Variants in CDH13 observed in about 807,000 individuals in gnomAD.
CDH13 encodes cadherin 13, also known as cadherin-13.
Under a neutral mutation model 63.8 loss-of-function variants are expected in CDH13, and 24 were observed. The ratio of observed to expected loss-of-function variants is 0.38; its 90% CI spans 0.27 to 0.53. The LOEUF (loss-of-function observed/expected upper bound fraction) is 0.53. Ranked by LOEUF, CDH13 falls within the 20% of genes least tolerant of loss-of-function variation. The pLI, the probability that CDH13 is intolerant of heterozygous loss-of-function variation, is 0.85. For missense variants in CDH13, 1,049 were observed against 903.1 expected (o/e 1.16, Z -2.07); for synonymous variants, 503 against 355.3 (o/e 1.42, Z -4.67).
chr16:83,126,865 C>T (rs766231253), intron 4 of CDH13, among the ~76,000 whole-genome samples: 2 of 152,094 alleles, frequency 1.3e-5, no homozygotes, highest in South Asian at 2.1e-4. Flanking sequence ...AGCTAACATG[C>T]TAGTGGGAAG....
At chr16:82,733,496 G>C (rs2033510173) in intron 1 of CDH13, among the ~76,000 whole-genome samples, 1 of 152,132 alleles carries the variant, frequency 6.6e-6, no homozygotes, top group Non-Finnish European at 1.5e-5. Flanking sequence ...AAGAGTTCAT[G>C]ATTTGGCTGT....
At chr16:82,717,943 G>C (rs1336685778) in intron 1 of CDH13, among the ~76,000 whole-genome samples, 3 of 152,178 alleles carry the variant, frequency 2.0e-5, no homozygotes, top group East Asian at 3.9e-4. Context: ...AAGAAAATAA[G>C]ATACTACTGC....
At chr16:82,842,145 T>TATATATATATATATATATATATATAC (rs2039056068) in intron 1 of CDH13, among the ~76,000 whole-genome samples, 1 of 27,594 alleles carries the variant, frequency 3.6e-5, no homozygotes, top group African/African-American at 1.2e-4. Flanking sequence ...TATACACATA[T>TATATATATATATATATATATATATAC]ATATATATAT....
chr16:82,864,909 A>G (rs1184270543), intron 2 of CDH13, among the ~76,000 whole-genome samples: 6 of 152,206 alleles, frequency 3.9e-5, no homozygotes, highest in African/African-American at 9.6e-5. Context: ...CCTGGATACA[A>G]TGGAGGTACG....
chr16:82,685,918 G>A (rs546302324), intron 1 of CDH13, among the ~76,000 whole-genome samples: 38 of 152,250 alleles, frequency 2.5e-4, no homozygotes, highest in Non-Finnish European at 4.1e-4. Context: ...AGGAATGGCC[G>A]CCACCCACAT....
chr16:83,583,075 T>C lies in CDH13; in HGVS notation c.961-19379T>C, dbSNP rs192795912. Among the ~76,000 whole-genome samples, 442 of 152,300 alleles carry C rather than the reference T, an allele frequency of 2.9e-3. 1 individual carries two copies. The highest frequency in any genetic ancestry group is 0.01 in the African/African-American group (418 of 41,570). On this transcript the variant is annotated intron_variant, in intron 7 of 13. Transcript: ENST00000567109. ...TGGTCCCAGGGAGGATCCCATCTGC[T>C]TCTGCCAGCATCTAGAGGCCCCAGT...
At chr16:83,500,306 C>CTT (rs1598162676) in intron 7 of CDH13, among the ~76,000 whole-genome samples, 1 of 650 alleles carries the variant, frequency 1.5e-3, no homozygotes, top group African/African-American at 1.7e-3. Context: ...CCTTCTCCTT[C>CTT]TCCTTCTCCT....
At chr16:83,406,346 A>G (rs1196153394) in intron 6 of CDH13, among the ~76,000 whole-genome samples, 2 of 152,018 alleles carry the variant, frequency 1.3e-5, no homozygotes, top group Non-Finnish European at 2.9e-5. Flanking sequence ...AAGCACGCCT[A>G]CACTCAAGTC....
At chr16:82,634,656 TG>T (rs1908430583) in intron 1 of CDH13, among the ~76,000 whole-genome samples, 1 of 152,240 alleles carries the variant, frequency 6.6e-6, no homozygotes, top group Non-Finnish European at 1.5e-5. Context: ...TGAGACTGTC[TG>T]GCCCCTGAAG....
chr16:83,167,262 T>G (rs1282030242), intron 4 of CDH13, among the ~76,000 whole-genome samples: 2 of 151,346 alleles, frequency 1.3e-5, no homozygotes, highest in Non-Finnish European at 2.9e-5. Context: ...TTTGGGAGGC[T>G]GAGGCAGGTG....
rs558854121 is a variant in CDH13, at chr16:83,565,611, G to C, written c.961-36843G>C. Among the ~76,000 whole-genome samples the C allele has an allele frequency of 6.6e-5, 10 of 152,148 alleles. No individual in the cohort carries two copies. In the South Asian group the frequency reaches 1.9e-3, roughly 28 times the overall value. On this transcript the variant is annotated intron_variant, in intron 7 of 13. Coordinates refer to ENST00000567109, the MANE Select transcript of CDH13 (RefSeq NM_001257.5). ...ATGCGATCTTTATGTGGTGGGTGAA[G>C]GTGATGGATTTTCATCTCCTTCTTC... is the stretch of plus-strand genomic sequence containing the variant.
At chr16:82,675,635 G>T (rs570881565) in intron 1 of CDH13, among the ~76,000 whole-genome samples, 1 of 152,188 alleles carries the variant, frequency 6.6e-6, no homozygotes, top group East Asian at 1.9e-4. Flanking sequence ...ATTTTTTGGT[G>T]CGGAGGCCAC....
intron 1 of CDH13, chr16:82,689,044 C>T (rs904630675): frequency 3.9e-5 from 6 of 152,202 alleles, no homozygotes; most frequent in African/African-American, 1.2e-4. Context: ...GGTCAGCTGT[C>T]TTTCACACCA....
At chr16:83,079,055 A>T (rs992523884) in intron 3 of CDH13, among the ~76,000 whole-genome samples, 15 of 152,198 alleles carry the variant, frequency 9.9e-5, no homozygotes, top group Admixed American at 6.5e-4. Context: ...TCAGCCTACG[A>T]AAGTGCTGGG....
intron 5 of CDH13, among the ~76,000 whole-genome samples, chr16:83,325,977 G>GA (rs2090351005): frequency 6.6e-6 from 1 of 152,002 alleles, no homozygotes; most frequent in African/African-American, 2.4e-5. Flanking sequence ...AACTGAAAGA[G>GA]AAAAAAGGTG....
At chr16:83,576,626 A>G (rs1490830966) in intron 7 of CDH13, among the ~76,000 whole-genome samples, 2 of 152,250 alleles carry the variant, frequency 1.3e-5, no homozygotes, top group African/African-American at 2.4e-5. Flanking sequence ...AACCAACAGT[A>G]CACAAGAATT....
chr16:83,276,597 G>A (rs931225536), intron 5 of CDH13, among the ~76,000 whole-genome samples: 9 of 152,090 alleles, frequency 5.9e-5, no homozygotes, highest in Non-Finnish European at 7.4e-5. Flanking sequence ...TGGGCCAGGC[G>A]TGGTGGCTCG....
chr16:82,849,565 C>A (rs1159965010), intron 1 of CDH13, among the ~76,000 whole-genome samples: 1 of 152,162 alleles, frequency 6.6e-6, no homozygotes, highest in Admixed American at 6.5e-5. Flanking sequence ...GAAGCTGCAG[C>A]AAGTCATCCA....
At chr16:82,689,196 C>A in intron 1 of CDH13, among the ~76,000 whole-genome samples, 1 of 151,310 alleles carries the variant, frequency 6.6e-6, no homozygotes, top group East Asian at 1.9e-4. Flanking sequence ...TAAAACCAGC[C>A]TGTCAAACTG....
Sources: allele counts gnomAD v4.1 joint callset (sites outside exome capture counted in the v4.1 genomes callset), GRCh38; gene constraint gnomAD v4.1.1; transcripts MANE v1.5; gene names NCBI Gene and HGNC (gene_info 2026-07-23, HGNC 2026-07-21).